The following BIRC6 variants were observed in gnomAD, a reference collection of about 807,000 sequenced individuals.
BIRC6 encodes the protein baculoviral IAP repeat containing 6.
A neutral mutation model predicts 503.3 loss-of-function variants in BIRC6; 98 were observed. That is an observed-to-expected ratio of 0.19 (90% confidence interval 0.17 to 0.23). The LOEUF is 0.23. BIRC6 is among the 10% of genes least tolerant of loss of function. The pLI is 1.00. For synonymous variants in BIRC6, 2,240 were observed against 2,078.7 expected (o/e 1.08, Z -2.11); for missense variants, 5,360 against 5,806.0 (o/e 0.92, Z 2.50).
At chr2:32,525,671 C>A in intron 59 of BIRC6, 43 bp downstream of exon 59, 1 of 1,561,574 alleles carries the variant, frequency 6.4e-7, no homozygotes, top group Admixed American at 1.9e-5. Flanking sequence ...ATTTTAGTAG[C>A]CTTAAAACTA....
chr2:32,440,918 C>G (rs2045359936), intron 16 of BIRC6, among the ~76,000 whole-genome samples: 1 of 151,942 alleles, frequency 6.6e-6, no homozygotes, highest in Non-Finnish European at 1.5e-5. Context: ...CTTACCCATG[C>G]TTGGCTAACT....
rs777594253 is a variant in BIRC6, at chr2:32,505,084, C to T, written c.9579C>T (p.Arg3193=). The T allele has an allele frequency of 6.2e-7, 1 of 1,613,130 alleles. No individual in the cohort carries two copies. The highest frequency in any genetic ancestry group is 8.5e-7 in the Non-Finnish European group (1 of 1,179,496). ...LQATPPHRRA[R]SAAWSYIFLP... The stretch of plus-strand genomic sequence containing the variant: ...CCACACCTCCTCACAGAAGAGCTCG[C>T]TCTGCTGCTTGGTCCTACATCTTTC... Residue 3193 remains arginine (R), a synonymous_variant, in exon 50 of 74, where the codon CGC becomes CGT. Transcript: ENST00000421745.
chr2:32,525,689 C>G (rs2056207383), intron 59 of BIRC6, 61 bp downstream of exon 59: 2 of 1,496,570 alleles, frequency 1.3e-6, no homozygotes, highest in Non-Finnish European at 1.8e-6. Flanking sequence ...CTATGTAAAT[C>G]AGAGGCACAG....
chr2:32,545,828 C>T lies in BIRC6; in HGVS notation c.12778C>T (p.Arg4260Ter). The T allele has an allele frequency of 6.2e-7, 1 of 1,613,794 alleles. No homozygotes were observed. The highest frequency in any genetic ancestry group is 8.5e-7 in the Non-Finnish European group (1 of 1,179,788). ...CTCTGCTTTGAGCCACCATTCCCCA[C>T]GAGTTCCAAACTCTAGCGTGAATCA... The part of the protein sequence containing the change: ...CLSALSHHSP[R>*]VPNSSVNQTE... Residue 4260 changes from arginine (R) to a stop codon, truncating the protein, a stop_gained, in exon 63 of 74, where the codon CGA becomes TGA. Transcript: ENST00000421745. LOFTEE classifies it high-confidence loss of function.
At chr2:32,408,557 T>G (rs993548518) in intron 9 of BIRC6, among the ~76,000 whole-genome samples, 2 of 152,234 alleles carry the variant, frequency 1.3e-5, no homozygotes, top group Non-Finnish European at 2.9e-5. Context: ...TATAGTTTTG[T>G]TATTTTCCCT....
chr2:32,460,263 TATATATA>T (rs2047709748), intron 23 of BIRC6, among the ~76,000 whole-genome samples: 1 of 35,634 alleles, frequency 2.8e-5, no homozygotes, highest in East Asian at 7.9e-4. Context: ...TATATATATA[TATATATA>T]TATTTTTTTT....
intron 33 of BIRC6, among the ~76,000 whole-genome samples, chr2:32,475,013 C>T (rs187234584): frequency 6.3e-4 from 96 of 151,686 alleles, no homozygotes; most frequent in Non-Finnish European, 4.3e-4. Context: ...AGTTCAAGAC[C>T]GGCCTGGCCA....
intron 72 of BIRC6, among the ~76,000 whole-genome samples, chr2:32,609,812 C>G (rs1277171603): frequency 1.3e-5 from 2 of 149,802 alleles, no homozygotes; most frequent in African/African-American, 4.9e-5. Flanking sequence ...AGGATAAACA[C>G]AGGGAACTCA....
chr2:32,478,423 A>G (rs17011973), intron 35 of BIRC6, among the ~76,000 whole-genome samples: 133 of 152,326 alleles, frequency 8.7e-4, no homozygotes, highest in African/African-American at 2.3e-3. Flanking sequence ...ATTCTTAACT[A>G]TACAATTAGA....
intron 50 of BIRC6, among the ~76,000 whole-genome samples, chr2:32,506,022 A>G (rs925312307): frequency 6.6e-6 from 1 of 151,706 alleles, no homozygotes; most frequent in Non-Finnish European, 1.5e-5. Context: ...AAATTTTTGT[A>G]TTTTTTTGTA....
chr2:32,365,944 A>T (rs1473567738), intron 1 of BIRC6, among the ~76,000 whole-genome samples: 4 of 151,708 alleles, frequency 2.6e-5, no homozygotes, highest in Non-Finnish European at 5.9e-5. Context: ...GAGTGCAGTG[A>T]TGTGGTCTTG....
intron 39 of BIRC6, among the ~76,000 whole-genome samples, chr2:32,484,460 G>T (rs1336908215): frequency 6.6e-6 from 1 of 150,980 alleles, no homozygotes; most frequent in African/African-American, 2.4e-5. Flanking sequence ...GCTGAGGTAG[G>T]AGAATTGCTA....
chr2:32,506,393 C>G lies in BIRC6; in HGVS notation c.9700+1188C>G, dbSNP rs115779139. Among the ~76,000 whole-genome samples the G allele has an allele frequency of 2.4e-3, 366 of 152,186 alleles. 6 individuals carry two copies. Among genetic ancestry groups the G allele is most frequent in the African/African-American group, 8.6e-3 (358 of 41,494 alleles). ...CTTAATTACTTGTGGCATCCACACT[C>G]CTTAGATAAAAAACAGATAATATAA... On this transcript the variant is annotated intron_variant, in intron 50 of 73. Coordinates refer to ENST00000421745, the MANE Select transcript of BIRC6 (RefSeq NM_016252.4).
rs1396402698 is a variant in BIRC6, at chr2:32,464,658, T to C, written c.5091T>C (p.Thr1697=). The C allele has an allele frequency of 1.9e-6, 3 of 1,613,724 alleles. No homozygotes were observed. The African/African-American group carries it at 4.0e-5, about 22-fold the overall frequency. The change falls in exon 25 of 74, where the codon ACT becomes ACC. Residue 1697 remains threonine, a synonymous_variant. Coordinates refer to ENST00000421745, the MANE Select transcript of BIRC6 (RefSeq NM_016252.4). The part of the protein sequence containing the change: ...FIHPSDVIPP[T]PKTTPLFMTP... ...ATCCATCTGATGTTATTCCACCCACTCCAAAAACAACACCTCTTTTTATGA... is the reference window on the plus strand; with the variant it reads ...ATCCATCTGATGTTATTCCACCCACCCCAAAAACAACACCTCTTTTTATGA...
intron 24 of BIRC6, among the ~76,000 whole-genome samples, chr2:32,463,593 T>G (rs2048223079): frequency 6.6e-6 from 1 of 152,234 alleles, no homozygotes; most frequent in Non-Finnish European, 1.5e-5. Context: ...TGAGGGAATA[T>G]GATTGATATT....
chr2:32,605,466 A>G (rs1013348117), intron 71 of BIRC6, among the ~76,000 whole-genome samples: 2 of 152,208 alleles, frequency 1.3e-5, no homozygotes, highest in Non-Finnish European at 1.5e-5. Context: ...CAAAAATGCA[A>G]TTATACCCTA....
At chr2:32,515,829 A>T (rs1558947712) in intron 55 of BIRC6, 59 bp downstream of exon 55, 11 of 1,432,972 alleles carry the variant, frequency 7.7e-6, no homozygotes, top group Non-Finnish European at 1.0e-5. Context: ...AGGGCCATGT[A>T]TAAAGGCCAG....
At position 32,442,099 on chromosome 2, in the gene BIRC6, T is replaced by C. The variant is rs1253992614; in HGVS notation, c.3979T>C (p.Phe1327Leu). 1 of 1,594,230 alleles carries C rather than the reference T, an allele frequency of 6.3e-7. No individual in the cohort carries two copies. Among genetic ancestry groups the C allele is most frequent in the South Asian group, 1.2e-5 (1 of 86,522 alleles). The change falls in exon 18 of 74, where the codon TTT becomes CTT. Residue 1327 changes from phenylalanine to leucine, a missense_variant. By Grantham distance (22) the Phe-to-Leu change is conservative. This residue lies in a region of BIRC6 where 2,299 missense variants were observed against 2,267.2 expected (regional missense o/e 1.01). Coordinates refer to ENST00000421745, the MANE Select transcript of BIRC6 (RefSeq NM_016252.4). Reference sequence around the variant, plus strand: ...ATGTGCCATGTTACAGTTTTCAGAATTTCATGAGAAGCTTCTTAATACTCT... The same window carrying C: ...ATGTGCCATGTTACAGTTTTCAGAACTTCATGAGAAGCTTCTTAATACTCT... ...QRCAMLQFSE[F>L]HEKLLNTLCR...
intron 69 of BIRC6, 25 bp downstream of exon 69, chr2:32,597,993 C>T: frequency 6.4e-7 from 1 of 1,562,464 alleles, no homozygotes; most frequent in Non-Finnish European, 8.7e-7. Flanking sequence ...TAATAAAGCA[C>T]TCTCCCTTAT....
Sources: gnomAD v4.1 joint callset for allele counts (sites outside exome capture counted in the v4.1 genomes callset) on GRCh38, gnomAD v4.1.1 for gene constraint, gnomAD v4.1.1 regional missense constraint, MANE v1.5 for transcripts, NCBI Gene and HGNC (gene_info 2026-07-23, HGNC 2026-07-21) for gene names.